The following FHIT variants were observed in gnomAD, a reference collection of about 807,000 sequenced individuals.
FHIT encodes fragile histidine triad diadenosine triphosphatase.
In FHIT, 19 loss-of-function variants were observed where a neutral mutation model predicts 17.9. The ratio of observed to expected loss-of-function variants is 1.06; its 90% confidence interval spans 0.74 to 1.56. The LOEUF is 1.56. Among genes scored for constraint, FHIT ranks in the 40% most tolerant of loss-of-function variants. FHIT has a pLI of 0.00. For synonymous variants in FHIT, 81 were observed against 69.7 expected (o/e 1.16, Z -0.81); for missense variants, 248 against 189.2 (o/e 1.31, Z -1.82).
chr3:59,844,093 C>T (rs913938975), intron 8 of FHIT, among the ~76,000 whole-genome samples: 3 of 152,172 alleles, frequency 2.0e-5, no homozygotes, highest in African/African-American at 7.2e-5. Context: ...TAAAAGCTCT[C>T]TGACACCTCC....
intron 2 of FHIT, among the ~76,000 whole-genome samples, chr3:61,140,307 A>G (rs543315958): frequency 2.6e-5 from 4 of 152,330 alleles, no homozygotes; most frequent in African/African-American, 9.6e-5. Context: ...AGTAACAAAT[A>G]TAAGGAAAAA....
chr3:60,938,686 C>A (rs1708290795), intron 3 of FHIT, among the ~76,000 whole-genome samples: 1 of 152,152 alleles, frequency 6.6e-6, no homozygotes, highest in Admixed American at 6.5e-5. Flanking sequence ...GGAAAGAATA[C>A]CCAATGTCCC....
At chr3:60,137,547 G>A (rs1028085858) in intron 5 of FHIT, among the ~76,000 whole-genome samples, 10 of 152,190 alleles carry the variant, frequency 6.6e-5, no homozygotes, top group African/African-American at 2.4e-4. Flanking sequence ...ATGTGACTAT[G>A]TGATGAGGGC....
At chr3:60,947,843 T>C (rs1708705138) in intron 3 of FHIT, among the ~76,000 whole-genome samples, 1 of 152,204 alleles carries the variant, frequency 6.6e-6, no homozygotes, top group South Asian at 2.1e-4. Context: ...AGATAACATC[T>C]AGATATTTCT....
chr3:60,535,831 A>G (rs2035962387), intron 5 of FHIT: 1 of 150,596 alleles, frequency 6.6e-6, no homozygotes, highest in Non-Finnish European at 1.5e-5. Flanking sequence ...TTTAGCATAC[A>G]ATAGTTACGT....
At chr3:60,115,825 A>G (rs995628240) in intron 5 of FHIT, among the ~76,000 whole-genome samples, 1 of 152,204 alleles carries the variant, frequency 6.6e-6, no homozygotes, top group Non-Finnish European at 1.5e-5. Context: ...ACGAATAGGT[A>G]TTATGTGCAT....
chr3:59,798,427 T>C (rs1699866186), intron 8 of FHIT, among the ~76,000 whole-genome samples: 1 of 152,082 alleles, frequency 6.6e-6, no homozygotes, highest in African/African-American at 2.4e-5. Flanking sequence ...AATGCTATGG[T>C]TCTGTGAGTT....
chr3:60,984,641 A>C (rs137990761), intron 3 of FHIT, among the ~76,000 whole-genome samples: 1 of 152,358 alleles, frequency 6.6e-6, no homozygotes, highest in East Asian at 1.9e-4. Flanking sequence ...TTAGAGTAGT[A>C]AGTTCCAAAC....
chr3:60,616,829 A>G (rs1168324173), intron 4 of FHIT: 1 of 152,290 alleles, frequency 6.6e-6, no homozygotes, highest in African/African-American at 2.4e-5. Context: ...GGCACACAGC[A>G]TTCCGAAAGG....
intron 5 of FHIT, among the ~76,000 whole-genome samples, chr3:60,121,822 C>G (rs1001037489): frequency 2.6e-5 from 4 of 151,908 alleles, no homozygotes; most frequent in African/African-American, 9.7e-5. Flanking sequence ...AACCTGTGAT[C>G]CTATCAGTCA....
chr3:60,153,570 G>A (rs1700560244), intron 5 of FHIT, among the ~76,000 whole-genome samples: 1 of 152,108 alleles, frequency 6.6e-6, no homozygotes. Context: ...CAATTGCCAT[G>A]GGGCACAATA....
At chr3:60,873,521 G>A (rs1553755556) in intron 3 of FHIT, among the ~76,000 whole-genome samples, 1 of 152,138 alleles carries the variant, frequency 6.6e-6, no homozygotes. Flanking sequence ...TTCTACAGAT[G>A]GGTTTACCAT....
intron 4 of FHIT, among the ~76,000 whole-genome samples, chr3:60,793,963 T>A (rs1700882484): frequency 1.3e-5 from 2 of 152,114 alleles, no homozygotes; most frequent in Non-Finnish European, 2.9e-5. Context: ...ACCAGGGCAG[T>A]GCTCCGACAC....
intron 5 of FHIT, among the ~76,000 whole-genome samples, chr3:60,477,375 G>C (rs184078219): frequency 5.9e-5 from 9 of 152,274 alleles, no homozygotes; most frequent in Middle Eastern, 3.4e-3. Flanking sequence ...TCTTTTGAGA[G>C]AGATGCAGAG....
At chr3:60,445,803 C>A (rs1268178461) in intron 5 of FHIT, among the ~76,000 whole-genome samples, 2 of 148,830 alleles carry the variant, frequency 1.3e-5, no homozygotes, top group Non-Finnish European at 3.0e-5. Flanking sequence ...AAAAAAAAAT[C>A]ATCCATTTCT....
intron 4 of FHIT, among the ~76,000 whole-genome samples, chr3:60,814,900 G>A (rs28868951): frequency 6.8e-6 from 1 of 146,294 alleles, no homozygotes; most frequent in Non-Finnish European, 1.5e-5. Context: ...GTTTTGTTTT[G>A]TTTTTGTTGT....
intron 7 of FHIT, among the ~76,000 whole-genome samples, chr3:59,933,523 C>G (rs1201244957): frequency 6.6e-6 from 1 of 152,050 alleles, no homozygotes; most frequent in Non-Finnish European, 1.5e-5. Context: ...ATAAATTGTG[C>G]AAGCTCACCA....
At chr3:60,119,241 T>G (rs1041459045) in intron 5 of FHIT, among the ~76,000 whole-genome samples, 2 of 151,782 alleles carry the variant, frequency 1.3e-5, no homozygotes, top group African/African-American at 2.4e-5. Context: ...GCCCAGCTAA[T>G]TTTTTATTTT....
chr3:60,456,689 A>G (rs891619233), intron 5 of FHIT, among the ~76,000 whole-genome samples: 1 of 152,146 alleles, frequency 6.6e-6, no homozygotes, highest in South Asian at 2.1e-4. Context: ...TTTTTTACTG[A>G]TATCAGCACT....
Sources: allele counts gnomAD v4.1 joint callset (sites outside exome capture counted in the v4.1 genomes callset), GRCh38; gene constraint gnomAD v4.1.1; transcripts MANE v1.5; gene names NCBI Gene and HGNC (gene_info 2026-07-23, HGNC 2026-07-21).